ADGRB3: variants seen among roughly 807,000 people sequenced by gnomAD.
ADGRB3 encodes the protein brain-specific angiogenesis inhibitor 3.
In ADGRB3, 37 loss-of-function variants were observed where a neutral mutation model predicts 193.4. The ratio of observed to expected loss-of-function variants is 0.19; its 90% CI spans 0.15 to 0.25. The LOEUF is 0.25. Among genes scored for constraint, ADGRB3 ranks in the 10% least tolerant of loss-of-function variants. The pLI, the probability that ADGRB3 is intolerant of heterozygous loss-of-function variation, is 1.00. For missense variants in ADGRB3, 1,637 were observed against 1,852.9 expected, an observed-to-expected ratio of 0.88 and a Z score of 2.14; for synonymous variants, 690 against 644.2, an observed-to-expected ratio of 1.07 and a Z score of -1.08.
rs754438943 is a variant in ADGRB3, at chr6:69,007,666, ATCTC to A, written c.1930-6347_1930-6344del. 3.0e-3 allele frequency among the ~76,000 whole-genome samples: 419 copies of A among 140,674 alleles called. 2 individuals are homozygous for A. The highest frequency in any genetic ancestry group is 3.8e-3 in the Non-Finnish European group (247 of 65,648). 92.3% of individuals were successfully genotyped at this position (140,674 alleles called of 152,430 possible). A position where few individuals can be genotyped will look rare whatever the true frequency, so the allele number is the denominator to read the frequency against. On this transcript the variant is annotated intron_variant, in intron 11 of 31. Coordinates refer to ENST00000370598, the MANE Select transcript of ADGRB3 (RefSeq NM_001704.3). ...CCTGATGACTATCTAATCTAAAGTA[ATCTC>A]TCTCTCTCTCTCTCTCTCTCTCTCA...
intron 20 of ADGRB3, among the ~76,000 whole-genome samples, chr6:69,294,483 T>TA (rs1228469516): frequency 6.6e-6 from 1 of 152,116 alleles, no homozygotes; most frequent in East Asian, 1.9e-4. Flanking sequence ...GTGATTCAAC[T>TA]AAATGCTGTC....
At position 68,635,378 on chromosome 6, in the gene ADGRB3, C is replaced by T. The variant is rs1299296751; in HGVS notation, c.-810C>T. On this transcript the variant is annotated 5_prime_UTR_variant, in exon 1 of 32. Coordinates refer to ENST00000370598, the MANE Select transcript of ADGRB3 (RefSeq NM_001704.3). ...GGGCATTCAAACAGCTTTCCGACAT[C>T]ACCAGCCAAGGATTTTTTTCCCCGC... 1 of 152,350 alleles carries T rather than the reference C, an allele frequency of 6.6e-6. No individual in the cohort carries two copies. The highest frequency in any genetic ancestry group is 1.5e-5 in the Non-Finnish European group (1 of 68,264). The allele number at this position is 152,350 out of a possible 1,614,324, so 9.4% of individuals were successfully genotyped here. A position where few individuals can be genotyped will look rare whatever the true frequency, so the allele number is the denominator to read the frequency against.
At chr6:69,000,271 A>G (rs991756682) in intron 11 of ADGRB3, among the ~76,000 whole-genome samples, 1 of 152,248 alleles carries the variant, frequency 6.6e-6, no homozygotes, top group Non-Finnish European at 1.5e-5. Flanking sequence ...CAGACACTGA[A>G]TTAACAAATA....
At position 68,758,173 on chromosome 6, in the gene ADGRB3, G is replaced by T. The variant is rs140494758; in HGVS notation, c.757+118741G>T. 2.5e-4 allele frequency among the ~76,000 whole-genome samples: 38 copies of T among 152,138 alleles called. No homozygotes were observed. The East Asian group carries it at 7.4e-3, about 29-fold the overall frequency. ...ATTCTCCTCACAAATTTGCTGTTAA[G>T]ATTAGAGGTAATGAATATTAATGTT... On this transcript the variant is annotated intron_variant, in intron 3 of 31. Transcript: ENST00000370598.
At chr6:68,801,092 G>A (rs763714102) in intron 3 of ADGRB3, among the ~76,000 whole-genome samples, 2 of 152,134 alleles carry the variant, frequency 1.3e-5, no homozygotes, top group Non-Finnish European at 2.9e-5. Context: ...TAATTAATAT[G>A]TACAGCATTT....
intron 17 of ADGRB3, among the ~76,000 whole-genome samples, chr6:69,122,827 AACATACATACAT>A (rs565947895): frequency 6.6e-6 from 1 of 151,992 alleles, no homozygotes; most frequent in African/African-American, 2.4e-5. Context: ...GCTGGTTTCA[AACATACATACAT>A]ACATACATAC....
chr6:69,087,928 G>C (rs1264881678), intron 17 of ADGRB3, among the ~76,000 whole-genome samples: 6 of 152,068 alleles, frequency 3.9e-5, no homozygotes, highest in Admixed American at 3.3e-4. Flanking sequence ...TTTTCAGCCT[G>C]ACCTGAGTAC....
intron 3 of ADGRB3, among the ~76,000 whole-genome samples, chr6:68,804,758 A>G (rs917321510): frequency 6.6e-6 from 1 of 152,140 alleles, no homozygotes; most frequent in Non-Finnish European, 1.5e-5. Context: ...TTACTAAAAC[A>G]AAATTAAATA....
At chr6:68,880,135 C>T (rs904751326) in intron 3 of ADGRB3, among the ~76,000 whole-genome samples, 14 of 152,296 alleles carry the variant, frequency 9.2e-5, no homozygotes, top group African/African-American at 3.1e-4. Flanking sequence ...ATCCTGACTT[C>T]TGACTTCGGA....
At chr6:68,792,245 T>C (rs940646487) in intron 3 of ADGRB3, among the ~76,000 whole-genome samples, 3 of 152,178 alleles carry the variant, frequency 2.0e-5, no homozygotes, top group Admixed American at 6.5e-5. Flanking sequence ...TCTTTAATGG[T>C]CAGGAATCCA....
intron 13 of ADGRB3, among the ~76,000 whole-genome samples, chr6:69,026,659 T>G (rs1048909579): frequency 6.6e-6 from 1 of 152,190 alleles, no homozygotes; most frequent in Non-Finnish European, 1.5e-5. Context: ...AGAATGTACT[T>G]CCACAAACCT....
At position 69,251,962 on chromosome 6, in the gene ADGRB3, G is replaced by A. The variant is rs1030742231; in HGVS notation, c.2814+12736G>A. ...GAAATGCACACTACATACATAATAT[G>A]ATGAGGTTGGACCAATATATACTTA... On this transcript the variant is annotated intron_variant, in intron 20 of 31. Transcript: ENST00000370598. 2.6e-5 allele frequency among the ~76,000 whole-genome samples: 4 copies of A among 152,106 alleles called. No homozygotes were observed. In the East Asian group the frequency reaches 7.7e-4, roughly 29 times the overall value.
In ADGRB3 at chr6:69,287,161, G is replaced by A. The variant is rs571396201; in HGVS notation, c.2815-37711G>A. Among the ~76,000 whole-genome samples the A allele has an allele frequency of 8.5e-5, 13 of 152,298 alleles. No homozygotes were observed. In the South Asian group the frequency reaches 2.5e-3, roughly 29 times the overall value. On this transcript the variant is annotated intron_variant, in intron 20 of 31. Coordinates refer to ENST00000370598, the MANE Select transcript of ADGRB3 (RefSeq NM_001704.3). ...TCTTGAGTCTGTGCATGCATGTGGTGTATGTGTTTTTTATGTGCATGTTTT... is the reference window on the plus strand; with the variant it reads ...TCTTGAGTCTGTGCATGCATGTGGTATATGTGTTTTTTATGTGCATGTTTT...
At chr6:69,294,749 A>T (rs1368982442) in intron 20 of ADGRB3, among the ~76,000 whole-genome samples, 1 of 152,090 alleles carries the variant, frequency 6.6e-6, no homozygotes, top group African/African-American at 2.4e-5. Context: ...ATAACAATTC[A>T]ATTCCTAGTT....
At chr6:68,920,284 G>A (rs373771994) in intron 3 of ADGRB3, among the ~76,000 whole-genome samples, 3 of 152,158 alleles carry the variant, frequency 2.0e-5, no homozygotes, top group African/African-American at 4.8e-5. Flanking sequence ...TTGGGAGGCC[G>A]AGGCAGGTGG....
At position 69,085,186 on chromosome 6, in the gene ADGRB3, T is replaced by A. The variant is rs188093711; in HGVS notation, c.2480+9148T>A. Among the ~76,000 whole-genome samples the A allele has an allele frequency of 1.7e-3, 264 of 152,184 alleles. 2 individuals are homozygous for A. The highest frequency in any genetic ancestry group is 8.7e-4 in the Non-Finnish European group (59 of 67,980). ...TGTGTGAAATGTACACTTTGCCTCATCCATTTCTCCTTATTCTCAGAAAGT... is the reference window on the plus strand; with the variant it reads ...TGTGTGAAATGTACACTTTGCCTCAACCATTTCTCCTTATTCTCAGAAAGT... On this transcript the variant is annotated intron_variant, in intron 17 of 31. Coordinates refer to ENST00000370598, the MANE Select transcript of ADGRB3 (RefSeq NM_001704.3).
At chr6:69,305,539 A>G (rs540278844) in intron 20 of ADGRB3, among the ~76,000 whole-genome samples, 1 of 151,480 alleles carries the variant, frequency 6.6e-6, no homozygotes, top group South Asian at 2.1e-4. Context: ...ACCCTTCTGC[A>G]TGTAAGTCCC....
intron 20 of ADGRB3, among the ~76,000 whole-genome samples, chr6:69,242,695 A>G (rs1004603401): frequency 2.0e-5 from 3 of 152,008 alleles, no homozygotes; most frequent in African/African-American, 7.2e-5. Context: ...AAAGTAAGGA[A>G]CCAAGTGCAT....
chr6:68,713,129 G>T (rs2127317805), intron 3 of ADGRB3, among the ~76,000 whole-genome samples: 1 of 151,800 alleles, frequency 6.6e-6, no homozygotes, highest in African/African-American at 2.4e-5. Context: ...TTAGGTTTAT[G>T]ATCTAATTAG....
Sources: allele counts gnomAD v4.1 joint callset (sites outside exome capture counted in the v4.1 genomes callset), GRCh38; gene constraint gnomAD v4.1.1; transcripts MANE v1.5; gene names NCBI Gene and HGNC (gene_info 2026-07-23, HGNC 2026-07-21).